UBR1: variants seen among roughly 807,000 people sequenced by gnomAD.
UBR1 encodes the protein ubiquitin protein ligase E3 component n-recognin 1.
In UBR1, 102 loss-of-function variants were observed where a neutral mutation model predicts 242.1. The ratio of observed to expected loss-of-function variants is 0.42; its 90% CI spans 0.36 to 0.50. The LOEUF (loss-of-function observed/expected upper bound fraction) is 0.50. Among genes scored for constraint, UBR1 ranks in the 20% least tolerant of loss-of-function variants. The probability of loss-of-function intolerance (pLI) is 0.01; values close to 1 mark genes in which losing one functional copy is unlikely to be tolerated. For synonymous variants in UBR1, 675 were observed against 684.8 expected (o/e 0.99, Z 0.22); for missense variants, 1,772 against 2,101.8 (o/e 0.84, Z 3.07).
At chr15:43,080,815 G>A (rs2033966276) in intron 3 of UBR1, among the ~76,000 whole-genome samples, 1 of 152,116 alleles carries the variant, frequency 6.6e-6, no homozygotes, top group Non-Finnish European at 1.5e-5. Context: ...GCTGGGCATG[G>A]TGGTACACAT....
chr15:42,944,299 A>C lies in UBR1; in HGVS notation c.*1030T>G, dbSNP rs1035571923. ...ACCACAGCATGTTATAACAGGACAC[A>C]GACTATTGATCACATGGCTTTTTTG... On this transcript the variant is annotated 3_prime_UTR_variant, in exon 47 of 47. Transcript: ENST00000290650. 6.6e-6 allele frequency: 1 copy of C among 152,662 alleles called. No individual in the cohort carries two copies. The highest frequency in any genetic ancestry group is 1.5e-5 in the Non-Finnish European group (1 of 68,048). 9.5% of individuals were successfully genotyped at this position (152,662 alleles called of 1,614,324 possible). A position where few individuals can be genotyped will look rare whatever the true frequency, so the allele number is the denominator to read the frequency against.
chr15:42,966,450 G>A (rs967069443), intron 40 of UBR1, among the ~76,000 whole-genome samples, 164 bp from the exon 41 acceptor site: 3 of 152,112 alleles, frequency 2.0e-5, no homozygotes, highest in Admixed American at 1.3e-4. Context: ...ACTCTGGGAG[G>A]CCAAGGCAGG....
At chr15:43,064,392 G>A (rs944485400) in intron 6 of UBR1, among the ~76,000 whole-genome samples, 1 of 152,108 alleles carries the variant, frequency 6.6e-6, no homozygotes, top group African/African-American at 2.4e-5. Context: ...AAAACACATG[G>A]AGGAAGATTT....
Position 43,075,097 on chromosome 15 carries a change from A to G in UBR1, c.418-8T>C, listed in dbSNP as rs1344100612. On this transcript the variant is annotated splice_polypyrimidine_tract_variant and splice_region_variant and intron_variant, in intron 3 of 46. Transcript: ENST00000290650. ...TCCAGTAGAAGTATGCATCTGATAA[A>G]GGAAAAATGAGTTTGTCTTGATTTC... 3 of 1,594,380 alleles carry G rather than the reference A, an allele frequency of 1.9e-6. No individual in the cohort carries two copies. The highest frequency in any genetic ancestry group is 4.5e-5 in the East Asian group (2 of 44,764).
chr15:43,075,368 G>C (rs1596131762), intron 3 of UBR1, among the ~76,000 whole-genome samples: 1 of 152,150 alleles, frequency 6.6e-6, no homozygotes, highest in Non-Finnish European at 1.5e-5. Context: ...AATAACAGTT[G>C]TTTAAATTTT....
intron 4 of UBR1, among the ~76,000 whole-genome samples, chr15:43,071,598 G>A (rs569512863): frequency 5.9e-5 from 9 of 151,912 alleles, no homozygotes; most frequent in Admixed American, 3.3e-4. Context: ...TCTTAAAAAC[G>A]GTTAAGATGA....
At chr15:43,099,089 C>A (rs746321154) in intron 1 of UBR1, among the ~76,000 whole-genome samples, 1 of 152,184 alleles carries the variant, frequency 6.6e-6, no homozygotes, top group Non-Finnish European at 1.5e-5. Context: ...GTAATCCCAG[C>A]ACTTTGGGAG....
At chr15:43,068,096 A>AAAAAAAAAAAAAAAAAAAT in intron 5 of UBR1, 60 bp from the exon 6 acceptor site, 1 of 1,263,192 alleles carries the variant, frequency 7.9e-7, no homozygotes, top group South Asian at 1.4e-5. Context: ...AAGTAAAAAA[A>AAAAAAAAAAAAAAAAAAAT]AAAAAAAAAA....
intron 27 of UBR1, among the ~76,000 whole-genome samples, chr15:43,018,312 C>A (rs989048943): frequency 1.3e-5 from 2 of 152,112 alleles, no homozygotes; most frequent in African/African-American, 4.8e-5. Flanking sequence ...TCCTCGGAGA[C>A]ATTTCCACAA....
chr15:43,097,497 G>C (rs1596143449), intron 1 of UBR1, among the ~76,000 whole-genome samples: 1 of 152,230 alleles, frequency 6.6e-6, no homozygotes, highest in Non-Finnish European at 1.5e-5. Context: ...GAAAGCTCTA[G>C]ATGGCATCTT....
intron 19 of UBR1, among the ~76,000 whole-genome samples, chr15:43,035,689 T>C (rs954636723): frequency 2.0e-5 from 3 of 149,520 alleles, no homozygotes; most frequent in African/African-American, 7.4e-5. Context: ...GTTTTGGACA[T>C]GAAGTCCTTG....
At chr15:42,973,384 C>G (rs776532785) in intron 39 of UBR1, among the ~76,000 whole-genome samples, 2 of 152,250 alleles carry the variant, frequency 1.3e-5, no homozygotes. Context: ...CAATCTATGC[C>G]TCCTGGGTTC....
Position 43,036,597 on chromosome 15 carries a change from TAAGG to T in UBR1, c.2023-8_2023-5del. On this transcript the variant is annotated splice_region_variant and splice_polypyrimidine_tract_variant and intron_variant, in intron 17 of 46. Transcript: ENST00000290650. Reference sequence around the variant, plus strand: ...TAACATCTTGGTAATAAAACACCTATAAGGTAATAGGTAGAATAAATCCTAAAAG... The same window carrying T: ...TAACATCTTGGTAATAAAACACCTATTAATAGGTAGAATAAATCCTAAAAG... The T allele has an allele frequency of 2.0e-6, 3 of 1,530,024 alleles. No individual in the cohort carries two copies. Among genetic ancestry groups the T allele is most frequent in the Non-Finnish European group, 2.7e-6 (3 of 1,104,102 alleles). The allele number at this position is 1,530,024 out of a possible 1,614,324, so 94.8% of individuals were successfully genotyped here.
chr15:43,086,211 A>C lies in UBR1; in HGVS notation c.111T>G (p.Thr37=). 1 of 1,614,102 alleles carries C rather than the reference A, an allele frequency of 6.2e-7. No individual in the cohort carries two copies. The change falls in exon 2 of 47, where the codon ACT becomes ACG. Residue 37 remains threonine (T), a synonymous_variant. Coordinates refer to ENST00000290650, the MANE Select transcript of UBR1 (RefSeq NM_174916.3). ...SWWDQQVDFY[T]AFLHHLAQLV... is the part of the protein sequence containing the mutation. ...ATTGTGCCAAATGATGCAAGAAAGC[A>C]GTATAAAAATCAACTTGCTGATCCC... is the stretch of plus-strand genomic sequence containing the variant.
intron 19 of UBR1, 60 bp from the exon 20 acceptor site, chr15:43,032,691 G>A (rs989585815): frequency 1.9e-6 from 2 of 1,060,736 alleles, no homozygotes; most frequent in African/African-American, 3.1e-5. Flanking sequence ...CATAAAACAT[G>A]CATTTCTGGA....
At chr15:43,010,098 T>C (rs1214020420) in intron 29 of UBR1, among the ~76,000 whole-genome samples, 1 of 152,196 alleles carries the variant, frequency 6.6e-6, no homozygotes, top group Non-Finnish European at 1.5e-5. Flanking sequence ...GGTCTCAAAC[T>C]CCTGACCTCG....
chr15:42,968,586 G>A (rs566273341), intron 40 of UBR1, among the ~76,000 whole-genome samples: 92 of 151,906 alleles, frequency 6.1e-4, no homozygotes, highest in African/African-American at 2.1e-3. Context: ...TGTTATATAG[G>A]TATACATGTG....
intron 37 of UBR1, among the ~76,000 whole-genome samples, chr15:42,979,409 G>A (rs1045567814): frequency 6.6e-6 from 1 of 152,008 alleles, no homozygotes; most frequent in African/African-American, 2.4e-5. Flanking sequence ...TTAAGATCAG[G>A]GGCTTTGAAG....
intron 23 of UBR1, chr15:43,025,721 T>C (rs1401091634): frequency 3.1e-6 from 1 of 320,886 alleles, no homozygotes; most frequent in South Asian, 4.5e-5. Flanking sequence ...AAGTATTTAC[T>C]TGATAAGGAC....
Sources: allele counts gnomAD v4.1 joint callset (sites outside exome capture counted in the v4.1 genomes callset), GRCh38; gene constraint gnomAD v4.1.1; transcripts MANE v1.5; gene names NCBI Gene and HGNC (gene_info 2026-07-23, HGNC 2026-07-21).